The following STPG2 variants were observed in gnomAD, a reference collection of about 807,000 sequenced individuals.
STPG2 encodes the protein sperm tail PG-rich repeat containing 2.
STPG2 carries 56 observed loss-of-function variants against 54.2 expected under a neutral mutation model. The ratio of observed to expected loss-of-function variants is 1.03; its 90% CI spans 0.83 to 1.29. STPG2 has a LOEUF of 1.29. Ranked by LOEUF, STPG2 falls within the 50% of genes most tolerant of loss-of-function variation. STPG2 has a pLI of 0.00. For synonymous variants in STPG2, 200 were observed against 181.8 expected (o/e 1.10, Z -0.81); for missense variants, 596 against 544.9 (o/e 1.09, Z -0.93).
chr4:97,630,326 A>G (rs1182827563), intron 10 of STPG2, among the ~76,000 whole-genome samples: 1 of 151,880 alleles, frequency 6.6e-6, no homozygotes, highest in African/African-American at 2.4e-5. Flanking sequence ...TTGTTTTAAA[A>G]GTATACTTGA....
chr4:97,690,018 G>A (rs1723315581), intron 10 of STPG2, among the ~76,000 whole-genome samples: 1 of 151,976 alleles, frequency 6.6e-6, no homozygotes, highest in South Asian at 2.1e-4. Flanking sequence ...GAGTTCAGGG[G>A]ACTGAAAACT....
intron 9 of STPG2, among the ~76,000 whole-genome samples, chr4:97,756,479 G>A (rs1725735220): frequency 6.6e-6 from 1 of 152,020 alleles, no homozygotes; most frequent in African/African-American, 2.4e-5. Context: ...CCGCCACCAT[G>A]CCCGGCTAAT....
At chr4:97,934,872 A>C (rs1460988365) in intron 8 of STPG2, among the ~76,000 whole-genome samples, 1 of 152,124 alleles carries the variant, frequency 6.6e-6, no homozygotes, top group Non-Finnish European at 1.5e-5. Context: ...TGGCCTCATA[A>C]AATTAGTTAA....
chr4:97,759,379 C>A (rs1560516911), intron 9 of STPG2, among the ~76,000 whole-genome samples: 1 of 152,056 alleles, frequency 6.6e-6, no homozygotes, highest in Non-Finnish European at 1.5e-5. Context: ...TTAGTAAATT[C>A]TGCTGTATAA....
rs1170480443 is a variant in STPG2, at chr4:97,742,563, GTGTC to G, written c.1205-29753_1205-29750del. Among the ~76,000 whole-genome samples, 276 of 119,320 alleles carry G rather than the reference GTGTC, an allele frequency of 2.3e-3. 6 individuals carry two copies. Among genetic ancestry groups the G allele is most frequent in the African/African-American group, 4.3e-3 (133 of 30,848 alleles). The allele number at this position is 119,320 out of a possible 152,430, so 78.3% of individuals were successfully genotyped here. ...TGTGTGTGTGTGTGTGTGTGTGTGTGTGTCTATATATATATGGAATACTATCAGG... is the reference window on the plus strand; with the variant it reads ...TGTGTGTGTGTGTGTGTGTGTGTGTGTATATATATATGGAATACTATCAGG... On this transcript the variant is annotated intron_variant, in intron 9 of 10. Transcript: ENST00000295268.
intron 4 of STPG2, among the ~76,000 whole-genome samples, chr4:97,548,366 C>G (rs1276574814): frequency 2.0e-5 from 3 of 151,844 alleles, no homozygotes; most frequent in Non-Finnish European, 4.4e-5. Flanking sequence ...AAAAACGAAA[C>G]AAAACAAAAA....
At chr4:97,459,703 A>G (rs918084471) in intron 4 of STPG2, among the ~76,000 whole-genome samples, 13 of 151,992 alleles carry the variant, frequency 8.6e-5, no homozygotes, top group African/African-American at 3.1e-4. Flanking sequence ...GGCCTCCCAA[A>G]GTGCTGGGAT....
At chr4:98,060,669 T>G (rs1294810996) in intron 5 of STPG2, among the ~76,000 whole-genome samples, 2 of 152,018 alleles carry the variant, frequency 1.3e-5, no homozygotes. Flanking sequence ...CAAACTATAC[T>G]ACAGGGCTAC....
chr4:98,084,030 G>GTTGT (rs909872166), intron 5 of STPG2, among the ~76,000 whole-genome samples: 3 of 151,856 alleles, frequency 2.0e-5, no homozygotes, highest in South Asian at 2.1e-4. Flanking sequence ...TTTTGTTGTT[G>GTTGT]TTGTTTGTTT....
intron 2 of STPG2, among the ~76,000 whole-genome samples, chr4:98,130,813 T>C (rs1739966396): frequency 6.7e-6 from 1 of 149,072 alleles, no homozygotes; most frequent in Admixed American, 6.8e-5. Context: ...TCCCAGCTAC[T>C]CAAGAAGCTG....
chr4:97,693,992 A>T (rs1184635232), intron 10 of STPG2, among the ~76,000 whole-genome samples: 1 of 152,190 alleles, frequency 6.6e-6, no homozygotes, highest in Non-Finnish European at 1.5e-5. Flanking sequence ...ACCTATCAAA[A>T]CATCTGGGAT....
chr4:97,981,956 C>T (rs1220076742), intron 5 of STPG2, among the ~76,000 whole-genome samples: 1 of 150,750 alleles, frequency 6.6e-6, no homozygotes, highest in East Asian at 1.9e-4. Context: ...GCGATCTCGG[C>T]TCACTGCAAG....
At chr4:97,966,882 C>A (rs1231197211) in intron 7 of STPG2, among the ~76,000 whole-genome samples, 1 of 152,144 alleles carries the variant, frequency 6.6e-6, no homozygotes, top group Admixed American at 6.5e-5. Context: ...AAACAAATAA[C>A]CAGTACCAGA....
chr4:98,143,053 T>C lies in STPG2; in HGVS notation c.98A>G (p.Gln33Arg). Residue 33 changes from glutamine to arginine, a missense_variant, in exon 1 of 11, where the codon CAG (glutamine) becomes CGG (arginine). Transcript: ENST00000295268. ...PGSYQVPFLK[Q>R]QATGSNAPFL... is the part of the protein sequence containing the mutation. ...TTCCTACATCTTACCTGTCGCCTGC[T>C]GCTTCAGGAAAGGTACCTGGTAGGA... 1.2e-6 allele frequency: 2 copies of C among 1,612,314 alleles called. No homozygotes were observed. The highest frequency in any genetic ancestry group is 1.7e-6 in the Non-Finnish European group (2 of 1,179,048).
At chr4:98,012,034 A>G (rs957303065) in intron 5 of STPG2, among the ~76,000 whole-genome samples, 2 of 152,150 alleles carry the variant, frequency 1.3e-5, no homozygotes, top group African/African-American at 4.8e-5. Context: ...TGTCCATGCC[A>G]AGGTCCTGAA....
At chr4:97,516,496 C>T (rs939529819) in intron 4 of STPG2, among the ~76,000 whole-genome samples, 1 of 151,976 alleles carries the variant, frequency 6.6e-6, no homozygotes, top group Non-Finnish European at 1.5e-5. Flanking sequence ...ATCCTTTGTG[C>T]CCTTCTTGCG....
At chr4:97,731,920 A>G (rs541631141) in intron 9 of STPG2, among the ~76,000 whole-genome samples, 12 of 152,258 alleles carry the variant, frequency 7.9e-5, no homozygotes, top group Admixed American at 3.3e-4. Context: ...TTTGGCCCCC[A>G]TGGGGCCAAA....
At chr4:97,512,263 C>T (rs1159682366) in intron 4 of STPG2, among the ~76,000 whole-genome samples, 2 of 151,936 alleles carry the variant, frequency 1.3e-5, no homozygotes, top group African/African-American at 4.8e-5. Context: ...AAAGATGACA[C>T]ATAGTAAAAT....
rs1043190457 is a variant in STPG2, at chr4:97,768,794, C to T, written c.1205-55980G>A. The stretch of plus-strand genomic sequence containing the variant: ...TCAGCTCACTGCAATCTCCACCTCC[C>T]GAGTTCGAGCAATTCCCCTGCCTCA... On this transcript the variant is annotated intron_variant, in intron 9 of 10. Coordinates refer to ENST00000295268, the MANE Select transcript of STPG2 (RefSeq NM_174952.3). 5.3e-5 allele frequency among the ~76,000 whole-genome samples: 8 copies of T among 151,996 alleles called. No homozygotes were observed. The East Asian group carries it at 7.7e-4, about 15-fold the overall frequency.
Sources: gnomAD v4.1 joint callset for allele counts (sites outside exome capture counted in the v4.1 genomes callset) on GRCh38, gnomAD v4.1.1 for gene constraint, MANE v1.5 for transcripts, NCBI Gene and HGNC (gene_info 2026-07-23, HGNC 2026-07-21) for gene names.